Variants in EPHA6 observed in about 807,000 individuals in gnomAD.
EPHA6 encodes EPH receptor A6, also known as ephrin type-A receptor 6.
A neutral mutation model predicts 112.0 loss-of-function variants in EPHA6; 50 were observed. That is an observed-to-expected ratio of 0.45 (90% CI 0.36 to 0.56). The LOEUF (loss-of-function observed/expected upper bound fraction) is 0.56. Ranked by LOEUF, EPHA6 falls within the 20% of genes least tolerant of loss-of-function variation. EPHA6 has a pLI of 0.00. For synonymous variants in EPHA6, 529 were observed against 490.7 expected (o/e 1.08, Z -1.03); for missense variants, 1,280 against 1,417.4 (o/e 0.90, Z 1.56).
chr3:96,906,630 C>G (rs1356204066), intron 2 of EPHA6, among the ~76,000 whole-genome samples: 5 of 151,972 alleles, frequency 3.3e-5, no homozygotes, highest in Admixed American at 2.0e-4. Context: ...AATTTTCAAC[C>G]ACATCATTTG....
intron 14 of EPHA6, among the ~76,000 whole-genome samples, chr3:97,699,863 A>G (rs565081106): frequency 2.7e-4 from 41 of 152,330 alleles, no homozygotes; most frequent in African/African-American, 9.1e-4. Context: ...AACTTGCCTA[A>G]TGACTAGAAT....
chr3:97,393,889 C>T (rs2086558637), intron 5 of EPHA6, among the ~76,000 whole-genome samples: 1 of 151,680 alleles, frequency 6.6e-6, no homozygotes, highest in African/African-American at 2.4e-5. Flanking sequence ...TGCATGTTGT[C>T]ACAAATGACA....
At chr3:96,829,955 A>C (rs537148568) in intron 1 of EPHA6, among the ~76,000 whole-genome samples, 1 of 110,608 alleles carries the variant, frequency 9.0e-6, no homozygotes, top group Admixed American at 1.2e-4. Flanking sequence ...GCGCGCACAC[A>C]CACACACACA....
chr3:97,625,911 T>G (rs2093852818), intron 13 of EPHA6, among the ~76,000 whole-genome samples: 1 of 151,166 alleles, frequency 6.6e-6, no homozygotes, highest in African/African-American at 2.4e-5. Context: ...AAGACTGGAG[T>G]GTTGGGAATC....
chr3:96,968,432 G>A (rs117799945), intron 2 of EPHA6, among the ~76,000 whole-genome samples: 2 of 151,444 alleles, frequency 1.3e-5, no homozygotes, highest in East Asian at 3.9e-4. Context: ...TGTATTTTGA[G>A]AGTAGCTTCA....
chr3:97,682,455 A>G (rs533458886), intron 14 of EPHA6, among the ~76,000 whole-genome samples: 9 of 152,138 alleles, frequency 5.9e-5, no homozygotes, highest in African/African-American at 1.9e-4. Flanking sequence ...CTTTTTTTCT[A>G]TATATAATTG....
At chr3:96,942,875 A>G (rs925918203) in intron 2 of EPHA6, among the ~76,000 whole-genome samples, 7 of 151,126 alleles carry the variant, frequency 4.6e-5, no homozygotes, top group African/African-American at 1.7e-4. Flanking sequence ...CCTTGAAGGG[A>G]CTTTTTTTTT....
intron 2 of EPHA6, among the ~76,000 whole-genome samples, chr3:96,972,704 G>A (rs1301661182): frequency 1.3e-5 from 2 of 152,010 alleles, no homozygotes; most frequent in Non-Finnish European, 2.9e-5. Flanking sequence ...CTGGTCTGAA[G>A]GTAAATGCTC....
At chr3:97,586,019 A>G (rs1162346741) in intron 11 of EPHA6, among the ~76,000 whole-genome samples, 3 of 152,256 alleles carry the variant, frequency 2.0e-5, no homozygotes, top group African/African-American at 7.2e-5. Flanking sequence ...TTCCAGCTAT[A>G]GAAAGTTGCT....
intron 5 of EPHA6, among the ~76,000 whole-genome samples, chr3:97,394,147 A>G (rs1240615608): frequency 6.6e-6 from 1 of 151,770 alleles, no homozygotes; most frequent in Admixed American, 6.6e-5. Context: ...CAAAAAAGAT[A>G]CCAAGAACAA....
intron 2 of EPHA6, among the ~76,000 whole-genome samples, chr3:96,882,506 TCACCACTCC>T (rs1329987100): frequency 6.6e-6 from 1 of 152,056 alleles, no homozygotes; most frequent in East Asian, 1.9e-4. Flanking sequence ...TTCCCACCTC[TCACCACTCC>T]CACCATTCCC....
At position 96,966,207 on chromosome 3, in the gene EPHA6, A is replaced by G. The variant is rs534463077; in HGVS notation, c.451-21123A>G. The stretch of plus-strand genomic sequence containing the variant: ...TTAGAATTGAATTGAATTTATAGAT[A>G]AAACTGGGGGAAATTGTTATTTACA... On this transcript the variant is annotated intron_variant, in intron 2 of 17. Transcript: ENST00000389672. 6.6e-5 allele frequency among the ~76,000 whole-genome samples: 10 copies of G among 152,262 alleles called. No homozygotes were observed. In the South Asian group the frequency reaches 1.9e-3, roughly 28 times the overall value.
intron 3 of EPHA6, among the ~76,000 whole-genome samples, chr3:97,118,852 A>G (rs2047965856): frequency 6.6e-6 from 1 of 151,898 alleles, no homozygotes; most frequent in African/African-American, 2.4e-5. Context: ...AGTTTAACAT[A>G]TTTTCATTTC....
chr3:97,465,496 A>G (rs2091022481), intron 7 of EPHA6, among the ~76,000 whole-genome samples: 1 of 152,018 alleles, frequency 6.6e-6, no homozygotes, highest in African/African-American at 2.4e-5. Context: ...CCTTTTTAAA[A>G]TAGAATAGTC....
At chr3:97,261,313 A>G (rs2079495361) in intron 5 of EPHA6, among the ~76,000 whole-genome samples, 1 of 152,206 alleles carries the variant, frequency 6.6e-6, no homozygotes, top group Non-Finnish European at 1.5e-5. Flanking sequence ...TGGTACCTAT[A>G]TGGTAGATGA....
At chr3:97,735,891 A>G (rs1333865691) in intron 15 of EPHA6, 34 bp from the exon 16 acceptor site, 1 of 1,475,414 alleles carries the variant, frequency 6.8e-7, no homozygotes, top group Non-Finnish European at 9.1e-7. Flanking sequence ...ACTGCCTAAA[A>G]ATAAGAGAGT....
chr3:97,512,503 G>T (rs1318131044), intron 10 of EPHA6, among the ~76,000 whole-genome samples: 1 of 152,040 alleles, frequency 6.6e-6, no homozygotes, highest in Non-Finnish European at 1.5e-5. Flanking sequence ...CAGTACATCT[G>T]ACAGTCCACT....
chr3:97,399,244 G>C (rs1388234757), intron 5 of EPHA6, among the ~76,000 whole-genome samples: 1 of 151,446 alleles, frequency 6.6e-6, no homozygotes, highest in Admixed American at 6.6e-5. Flanking sequence ...TGGCCTCCAG[G>C]CTCATCCATG....
chr3:97,156,145 G>A (rs2108387558), intron 3 of EPHA6, among the ~76,000 whole-genome samples: 1 of 152,242 alleles, frequency 6.6e-6, no homozygotes, highest in East Asian at 1.9e-4. Flanking sequence ...AGAAGAATGA[G>A]CTTGGAAAAT....
Sources: gnomAD v4.1 joint callset for allele counts (sites outside exome capture counted in the v4.1 genomes callset) on GRCh38, gnomAD v4.1.1 for gene constraint, MANE v1.5 for transcripts, NCBI Gene and HGNC (gene_info 2026-07-23, HGNC 2026-07-21) for gene names.